The following CCDC6 variants were observed in gnomAD, a reference collection of about 807,000 sequenced individuals.
CCDC6 encodes the protein coiled-coil domain-containing protein 6.
Under a neutral mutation model 56.6 loss-of-function variants are expected in CCDC6, and 20 were observed. That is an observed-to-expected ratio of 0.35 (90% CI 0.25 to 0.51). The LOEUF is 0.51. Among genes scored for constraint, CCDC6 ranks in the 20% least tolerant of loss-of-function variants. CCDC6 has a pLI of 0.95. For synonymous variants in CCDC6, 241 were observed against 234.4 expected (o/e 1.03, Z -0.26); for missense variants, 367 against 601.1 (o/e 0.61, Z 4.07).
chr10:59,826,724 T>G (rs1030316619), intron 3 of CCDC6, among the ~76,000 whole-genome samples: 1 of 152,200 alleles, frequency 6.6e-6, no homozygotes, highest in Admixed American at 6.5e-5. Flanking sequence ...AAATGACATA[T>G]GAGCATAAAT....
intron 1 of CCDC6, among the ~76,000 whole-genome samples, chr10:59,867,052 C>CA (rs1213086517): frequency 6.6e-6 from 1 of 152,160 alleles, no homozygotes; most frequent in Non-Finnish European, 1.5e-5. Context: ...ACACGCCATA[C>CA]ATAGTGTTCC....
At chr10:59,796,146 C>T (rs2070516213) in intron 7 of CCDC6, among the ~76,000 whole-genome samples, 1 of 152,134 alleles carries the variant, frequency 6.6e-6, no homozygotes, top group South Asian at 2.1e-4. Flanking sequence ...CTGTTGTTTC[C>T]TGACTTTTTA....
At chr10:59,882,786 C>T (rs2071354311) in intron 1 of CCDC6, among the ~76,000 whole-genome samples, 1 of 152,112 alleles carries the variant, frequency 6.6e-6, no homozygotes, top group South Asian at 2.1e-4. Context: ...CAGTGAAACC[C>T]CGCCTCTAGT....
chr10:59,886,084 AAAG>A lies in CCDC6; in HGVS notation c.303+20035_303+20037del, dbSNP rs1367233240. Among the ~76,000 whole-genome samples, 82 of 152,330 alleles carry A rather than the reference AAAG, an allele frequency of 5.4e-4. 1 individual carries two copies. The highest frequency in any genetic ancestry group is 1.5e-4 in the Non-Finnish European group (10 of 68,028). Reference sequence around the variant, plus strand: ...TATTTGTAATATCTGTGAGATGAACAAAGAAGACCGGCCAATATGAAAGAAGAT... The same window carrying A: ...TATTTGTAATATCTGTGAGATGAACAAAGACCGGCCAATATGAAAGAAGAT... On this transcript the variant is annotated intron_variant, in intron 1 of 8. Transcript: ENST00000263102.
chr10:59,818,505 G>GGGGGT, intron 3 of CCDC6, among the ~76,000 whole-genome samples: 1 of 132,542 alleles, frequency 7.5e-6, no homozygotes, highest in Non-Finnish European at 1.6e-5. Flanking sequence ...CGGGGGGGGG[G>GGGGGT]GAAGCAGATT....
intron 1 of CCDC6, among the ~76,000 whole-genome samples, chr10:59,874,979 A>G (rs891032584): frequency 2.6e-5 from 4 of 152,224 alleles, no homozygotes; most frequent in Non-Finnish European, 4.4e-5. Flanking sequence ...AGGCCACTAC[A>G]TTTGTAATAA....
intron 1 of CCDC6, among the ~76,000 whole-genome samples, chr10:59,887,036 T>C (rs1431762330): frequency 6.6e-6 from 1 of 152,164 alleles, no homozygotes; most frequent in Non-Finnish European, 1.5e-5. Flanking sequence ...GAAGTGTAAA[T>C]TGTAGAAGCA....
chr10:59,824,553 G>T (rs370444023), intron 3 of CCDC6, among the ~76,000 whole-genome samples: 3 of 152,120 alleles, frequency 2.0e-5, no homozygotes, highest in African/African-American at 7.2e-5. Flanking sequence ...GCCGACTTCA[G>T]GGTTTACTAT....
At chr10:59,844,274 A>T (rs1390120773) in intron 2 of CCDC6, among the ~76,000 whole-genome samples, 1 of 152,084 alleles carries the variant, frequency 6.6e-6, no homozygotes, top group Non-Finnish European at 1.5e-5. Context: ...TCAGGCCCTC[A>T]CTTCTGAGCA....
chr10:59,878,994 A>T (rs1243700190), intron 1 of CCDC6, among the ~76,000 whole-genome samples: 1 of 152,254 alleles, frequency 6.6e-6, no homozygotes, highest in African/African-American at 2.4e-5. Flanking sequence ...CAGGTACCGT[A>T]TAAATTAGCA....
At chr10:59,885,377 T>C (rs1446752700) in intron 1 of CCDC6, among the ~76,000 whole-genome samples, 1 of 152,096 alleles carries the variant, frequency 6.6e-6, no homozygotes, top group East Asian at 1.9e-4. Context: ...TTTTTGCAGG[T>C]CAAATTTATT....
chr10:59,822,914 C>A (rs943384850), intron 3 of CCDC6, among the ~76,000 whole-genome samples: 1 of 151,956 alleles, frequency 6.6e-6, no homozygotes, highest in Admixed American at 6.6e-5. Flanking sequence ...AAAAAACAAC[C>A]CCAGACTCAG....
At chr10:59,836,810 T>C (rs2070887138) in intron 2 of CCDC6, among the ~76,000 whole-genome samples, 1 of 152,232 alleles carries the variant, frequency 6.6e-6, no homozygotes, top group South Asian at 2.1e-4. Flanking sequence ...GCAGATCACA[T>C]TTTCAACGGA....
At chr10:59,846,768 T>C (rs1406062048) in intron 2 of CCDC6, among the ~76,000 whole-genome samples, 1 of 152,210 alleles carries the variant, frequency 6.6e-6, no homozygotes, top group Admixed American at 6.5e-5. Context: ...GATTAAGATA[T>C]ATGTAATATG....
At position 59,789,448 on chromosome 10, in the gene CCDC6, A is replaced by G. The variant is rs555762171; in HGVS notation, c.*3469T>C. 8 of 230,316 alleles carry G rather than the reference A, an allele frequency of 3.5e-5. No homozygotes were observed. In the South Asian group the frequency reaches 1.5e-3, roughly 42 times the overall value. 14.3% of individuals were successfully genotyped at this position (230,316 alleles called of 1,614,324 possible). On this transcript the variant is annotated 3_prime_UTR_variant, in exon 9 of 9. Coordinates refer to ENST00000263102, the MANE Select transcript of CCDC6 (RefSeq NM_005436.5). ...TGTTTTAATCAAAAAATTAAAGAAG[A>G]AAAAAAAACCCTAAAAAACAAAGAA...
intron 1 of CCDC6, among the ~76,000 whole-genome samples, chr10:59,859,199 CGT>C (rs66648240): frequency 0.39 from 53,074 of 136,814 alleles, 10,781 homozygotes; most frequent in East Asian, 0.58. Context: ...CATGTGTGTG[CGT>C]GTGTGTGTGT....
chr10:59,898,318 A>G (rs2071479038), intron 1 of CCDC6, among the ~76,000 whole-genome samples: 1 of 152,250 alleles, frequency 6.6e-6, no homozygotes, highest in South Asian at 2.1e-4. Context: ...AAAGCCTCCC[A>G]GTGCCACCTC....
intron 1 of CCDC6, among the ~76,000 whole-genome samples, chr10:59,873,416 A>C (rs1270759741): frequency 1.3e-5 from 2 of 152,100 alleles, no homozygotes; most frequent in Non-Finnish European, 2.9e-5. Context: ...AAGCCAAGGA[A>C]CGCCTGGAGA....
At chr10:59,830,623 G>C (rs143195045) in intron 3 of CCDC6, among the ~76,000 whole-genome samples, 2 of 152,072 alleles carry the variant, frequency 1.3e-5, no homozygotes, top group Non-Finnish European at 2.9e-5. Context: ...CTTTACCATC[G>C]AGGACTGAAA....
Sources: allele counts gnomAD v4.1 joint callset (sites outside exome capture counted in the v4.1 genomes callset), GRCh38; gene constraint gnomAD v4.1.1; transcripts MANE v1.5; gene names NCBI Gene and HGNC (gene_info 2026-07-23, HGNC 2026-07-21).